The following TMEM38B variants were observed in gnomAD, a reference collection of about 807,000 sequenced individuals.
The protein encoded by TMEM38B is trimeric intracellular cation channel type B.
TMEM38B carries 24 observed loss-of-function variants against 28.7 expected under a neutral mutation model. The observed-to-expected ratio is 0.84, with a 90% CI of 0.61 to 1.18. The LOEUF (loss-of-function observed/expected upper bound fraction) is 1.18, where lower values mean the gene tolerates loss of function less well. TMEM38B is among the 50% of genes most tolerant of loss of function. The pLI is 0.00. For missense variants in TMEM38B, 380 were observed against 350.9 expected, an observed-to-expected ratio of 1.08 and a Z score of -0.66; for synonymous variants, 131 against 127.7, an observed-to-expected ratio of 1.03 and a Z score of -0.17.
At chr9:105,749,868 C>T (rs1269173785) in intron 5 of TMEM38B, among the ~76,000 whole-genome samples, 1 of 152,170 alleles carries the variant, frequency 6.6e-6, no homozygotes, top group African/African-American at 2.4e-5. Flanking sequence ...ATTCATTTCT[C>T]TTGAGTATAT....
chr9:105,751,973 G>C (rs1015670771), intron 5 of TMEM38B, among the ~76,000 whole-genome samples: 3 of 152,010 alleles, frequency 2.0e-5, no homozygotes, highest in African/African-American at 7.2e-5. Context: ...TTTGTGGTTT[G>C]GTAGACTCAG....
chr9:105,729,248 A>G (rs1836640318), intron 4 of TMEM38B, among the ~76,000 whole-genome samples: 1 of 152,116 alleles, frequency 6.6e-6, no homozygotes, highest in African/African-American at 2.4e-5. Context: ...ATCTTGAATT[A>G]ATTTTTGTAT....
intron 4 of TMEM38B, among the ~76,000 whole-genome samples, chr9:105,738,876 C>A (rs1312715109): frequency 2.6e-5 from 4 of 151,862 alleles, no homozygotes; most frequent in African/African-American, 9.7e-5. Flanking sequence ...TATTGCCACA[C>A]CCAGGTAATT....
chr9:105,765,062 A>C (rs1826319429), intron 5 of TMEM38B, among the ~76,000 whole-genome samples: 2 of 152,188 alleles, frequency 1.3e-5, no homozygotes, highest in African/African-American at 4.8e-5. Context: ...CCTTCCTTAC[A>C]CCTTATACAA....
At chr9:105,733,421 C>CTTTTTTTT (rs71306454) in intron 4 of TMEM38B, among the ~76,000 whole-genome samples, 1 of 127,874 alleles carries the variant, frequency 7.8e-6, no homozygotes, top group African/African-American at 2.9e-5. Context: ...TTTCTTTTTT[C>CTTTTTTTT]TTTTTTTTTT....
intron 5 of TMEM38B, among the ~76,000 whole-genome samples, chr9:105,750,919 T>C (rs559185786): frequency 6.6e-6 from 1 of 152,358 alleles, no homozygotes; most frequent in East Asian, 1.9e-4. Flanking sequence ...GAATTGCCTT[T>C]ACAATCTTGT....
chr9:105,773,373 G>C (rs933595608), intron 5 of TMEM38B, among the ~76,000 whole-genome samples: 10 of 152,036 alleles, frequency 6.6e-5, no homozygotes, highest in African/African-American at 2.4e-4. Flanking sequence ...TTTAGTAATC[G>C]AACTCAGAAT....
At chr9:105,763,691 A>C (rs1262955760) in intron 5 of TMEM38B, among the ~76,000 whole-genome samples, 3 of 152,196 alleles carry the variant, frequency 2.0e-5, no homozygotes, top group Non-Finnish European at 2.9e-5. Context: ...AAACTATTCC[A>C]ATCAATAGAA....
intron 5 of TMEM38B, among the ~76,000 whole-genome samples, chr9:105,773,544 G>A (rs1032653712): frequency 6.6e-5 from 10 of 152,124 alleles, no homozygotes; most frequent in African/African-American, 1.4e-4. Context: ...ACTTATCTTC[G>A]TTCTGACACA....
Position 105,694,986 on chromosome 9 carries a change from C to T in TMEM38B, c.112+214C>T, listed in dbSNP as rs557845841. 3.2e-4 allele frequency among the ~76,000 whole-genome samples: 48 copies of T among 152,348 alleles called. 1 individual carries two copies. The highest frequency in any genetic ancestry group is 6.6e-4 in the Non-Finnish European group (45 of 68,032). ...GTGGGGGAGGACGGAGGCTCTAGTA[C>T]TCCTCAAAGGAGGCGTGACCTGGGG... On this transcript the variant is annotated intron_variant, in intron 1 of 5. Coordinates refer to ENST00000374692, the MANE Select transcript of TMEM38B (RefSeq NM_018112.3).
At chr9:105,749,148 G>A (rs1837549182) in intron 5 of TMEM38B, 1 of 1,273,452 alleles carries the variant, frequency 7.9e-7, no homozygotes, top group East Asian at 5.6e-5. Flanking sequence ...TTCACATGTA[G>A]TCTCTTCCAG....
At chr9:105,746,847 T>C (rs1837417764) in intron 4 of TMEM38B, among the ~76,000 whole-genome samples, 1 of 152,220 alleles carries the variant, frequency 6.6e-6, no homozygotes, top group South Asian at 2.1e-4. Context: ...GTGGTTTTTG[T>C]CATTGGTTCT....
intron 4 of TMEM38B, among the ~76,000 whole-genome samples, chr9:105,747,248 T>A (rs1015751479): frequency 3.7e-4 from 57 of 152,252 alleles, no homozygotes; most frequent in Non-Finnish European, 3.5e-4. Context: ...TTGCCTCAAT[T>A]TCAGAGCCTG....
intron 4 of TMEM38B, among the ~76,000 whole-genome samples, chr9:105,733,765 A>G (rs1836862743): frequency 6.6e-6 from 1 of 151,954 alleles, no homozygotes; most frequent in Non-Finnish European, 1.5e-5. Context: ...ATAATTGTTC[A>G]TAGTAGTTGC....
At chr9:105,756,214 A>C (rs916642903) in intron 5 of TMEM38B, among the ~76,000 whole-genome samples, 1 of 152,254 alleles carries the variant, frequency 6.6e-6, no homozygotes, top group Non-Finnish European at 1.5e-5. Flanking sequence ...ATGCAGGATT[A>C]TGGCATCTGC....
At chr9:105,747,027 C>T (rs937923420) in intron 4 of TMEM38B, among the ~76,000 whole-genome samples, 1 of 152,120 alleles carries the variant, frequency 6.6e-6, no homozygotes, top group Non-Finnish European at 1.5e-5. Flanking sequence ...GGGTATTGGT[C>T]TAAAATTCTC....
intron 1 of TMEM38B, among the ~76,000 whole-genome samples, chr9:105,703,108 T>C (rs963395884): frequency 4.6e-5 from 7 of 152,262 alleles, no homozygotes; most frequent in African/African-American, 1.7e-4. Flanking sequence ...ATAATTCTAT[T>C]GATAGCGTAT....
intron 5 of TMEM38B, among the ~76,000 whole-genome samples, chr9:105,772,996 G>A (rs1826606437): frequency 6.6e-6 from 1 of 152,042 alleles, no homozygotes; most frequent in African/African-American, 2.4e-5. Context: ...CCCCAAGCAG[G>A]TAGGTTATGT....
intron 4 of TMEM38B, among the ~76,000 whole-genome samples, chr9:105,733,219 G>A (rs576107316): frequency 1.3e-5 from 2 of 152,202 alleles, no homozygotes; most frequent in South Asian, 4.2e-4. Flanking sequence ...TGTTGATTTG[G>A]GGTGGAGAGT....
Sources: gnomAD v4.1 joint callset for allele counts (sites outside exome capture counted in the v4.1 genomes callset) on GRCh38, gnomAD v4.1.1 for gene constraint, MANE v1.5 for transcripts, NCBI Gene and HGNC (gene_info 2026-07-23, HGNC 2026-07-21) for gene names.